TMPRSS4: variants seen among roughly 807,000 people sequenced by gnomAD.
TMPRSS4 encodes the protein transmembrane serine protease 4.
A neutral mutation model predicts 56.4 loss-of-function variants in TMPRSS4; 45 were observed. The ratio of observed to expected loss-of-function variants is 0.80; its 90% CI spans 0.63 to 1.02. The LOEUF is 1.02. TMPRSS4 is among the 50% of genes least tolerant of loss of function. The probability of loss-of-function intolerance (pLI) is 0.00; values close to 1 mark genes in which losing one functional copy is unlikely to be tolerated. For missense variants in TMPRSS4, 546 were observed against 556.7 expected (o/e 0.98, Z 0.19); for synonymous variants, 205 against 211.0 (o/e 0.97, Z 0.25).
At chr11:118,112,957 C>T (rs1190027294) in intron 8 of TMPRSS4, among the ~76,000 whole-genome samples, 1 of 151,442 alleles carries the variant, frequency 6.6e-6, no homozygotes, top group Non-Finnish European at 1.5e-5. Flanking sequence ...ATGAGTAACA[C>T]AGTGAGAAAG....
At chr11:118,091,232 A>C (rs1392400295) in intron 1 of TMPRSS4, among the ~76,000 whole-genome samples, 2 of 151,934 alleles carry the variant, frequency 1.3e-5, no homozygotes, top group African/African-American at 4.8e-5. Context: ...TTTTACCACC[A>C]ACCTCCTCTC....
intron 3 of TMPRSS4, among the ~76,000 whole-genome samples, chr11:118,102,374 A>C (rs2135401745): frequency 6.6e-6 from 1 of 152,352 alleles, no homozygotes; most frequent in African/African-American, 2.4e-5. Flanking sequence ...TGTACAGATG[A>C]GGAAACTGAG....
rs1170336226 is a variant in TMPRSS4 at position 118,096,967 on chromosome 11, GGAAAGAAAGAAAGAAAGAAAGAAA to G, written c.44-1973_44-1950del. ...GAAAGAAAGGAAGGAAAGAAAGAAA[GGAAAGAAAGAAAGAAAGAAAGAAA>G]GAAAGAAAGAAAGAAAGAAAGAAAG... On this transcript the variant is annotated intron_variant, in intron 2 of 12. Coordinates refer to ENST00000437212, the MANE Select transcript of TMPRSS4 (RefSeq NM_019894.4). Among the ~76,000 whole-genome samples, 27 of 9,520 alleles carry G rather than the reference GGAAAGAAAGAAAGAAAGAAAGAAA, an allele frequency of 2.8e-3. 2 individuals are homozygous for G. The highest frequency in any genetic ancestry group is 0.02 in the East Asian group (11 of 558). The allele number at this position is 9,520 out of a possible 152,430, so 6.2% of individuals were successfully genotyped here.
intron 3 of TMPRSS4, among the ~76,000 whole-genome samples, chr11:118,099,963 A>G (rs532362379): frequency 3.6e-4 from 55 of 152,218 alleles, no homozygotes; most frequent in Non-Finnish European, 6.9e-4. Context: ...CCCACATCCT[A>G]TGATGGAGTC....
intron 2 of TMPRSS4, among the ~76,000 whole-genome samples, chr11:118,095,688 C>T (rs541902246): frequency 8.5e-5 from 13 of 152,234 alleles, no homozygotes; most frequent in Admixed American, 2.6e-4. Flanking sequence ...AGGGAGTGAA[C>T]GTGACTATGC....
intron 1 of TMPRSS4, chr11:118,086,946 C>G (rs976576436): frequency 2.0e-5 from 3 of 152,488 alleles, no homozygotes; most frequent in Admixed American, 6.5e-5. Context: ...ACTCTGCAAG[C>G]TGACGGCAAG....
chr11:118,099,089 G>A lies in TMPRSS4; in HGVS notation c.148G>A (p.Val50Ile), dbSNP rs758846525. ...LLSLASIIIV[V>I]VLIKVILDKY... is the part of the protein sequence containing the mutation. ...GAGCCTGGCGAGTATCATCATTGTG[G>A]TTGTCCTCAGTAAGTGACAGCCCGT... Residue 50 changes from valine to isoleucine, a missense_variant, in exon 3 of 13, where the codon GTT becomes ATT. Val to Ile is a conservative substitution (Grantham distance 29). Transcript: ENST00000437212. 2 of 1,613,554 alleles carry A rather than the reference G, an allele frequency of 1.2e-6. No individual in the cohort carries two copies. Among genetic ancestry groups the A allele is most frequent in the African/African-American group, 2.7e-5 (2 of 74,806 alleles).
rs1290855988 is a variant in TMPRSS4 at position 118,077,134 on chromosome 11, C to T, written c.-169C>T. 1.8e-5 allele frequency: 12 copies of T among 654,628 alleles called. No individual in the cohort carries two copies. Among genetic ancestry groups the T allele is most frequent in the Admixed American group, 1.6e-4 (5 of 31,204 alleles). The allele number at this position is 654,628 out of a possible 1,614,324, so 40.6% of individuals were successfully genotyped here. ...TTGCTCAGCGGACAAGGATGCTGGGCGTGAGGGACCAAGGCCTGCCCTGCA... is the reference window on the plus strand; with the variant it reads ...TTGCTCAGCGGACAAGGATGCTGGGTGTGAGGGACCAAGGCCTGCCCTGCA... On this transcript the variant is annotated 5_prime_UTR_variant, in exon 1 of 13. Transcript: ENST00000437212.
At chr11:118,101,504 C>A (rs1946724943) in intron 3 of TMPRSS4, among the ~76,000 whole-genome samples, 1 of 152,032 alleles carries the variant, frequency 6.6e-6, no homozygotes, top group Admixed American at 6.6e-5. Flanking sequence ...GAGACAAGGT[C>A]TTGCTCTCTT....
At chr11:118,100,055 C>T (rs948724278) in intron 3 of TMPRSS4, among the ~76,000 whole-genome samples, 12 of 152,158 alleles carry the variant, frequency 7.9e-5, no homozygotes, top group East Asian at 1.9e-4. Flanking sequence ...GGGGACCAGA[C>T]TAGGAATCAG....
In TMPRSS4 at chr11:118,093,191, A is replaced by G. The variant is rs117358606; in HGVS notation, c.4-1625A>G. On this transcript the variant is annotated intron_variant, in intron 1 of 12. Transcript: ENST00000437212. ...GGAGGGAACGAAAGAGCTCCTTCCT[A>G]TTGCTGTGTCCACCGTGCTTAGCCG... 4.5e-4 allele frequency among the ~76,000 whole-genome samples: 68 copies of G among 152,238 alleles called. 1 individual carries two copies. The East Asian group carries it at 0.012, about 26-fold the overall frequency.
intron 1 of TMPRSS4, among the ~76,000 whole-genome samples, chr11:118,085,226 C>CTTCT (rs1555080970): frequency 1.4e-4 from 20 of 141,856 alleles, no homozygotes; most frequent in Non-Finnish European, 2.6e-4. Context: ...TCTTCTTCTT[C>CTTCT]TTTTTTTTTT....
intron 1 of TMPRSS4, among the ~76,000 whole-genome samples, chr11:118,083,137 GA>G (rs1363629918): frequency 6.6e-6 from 1 of 152,168 alleles, no homozygotes; most frequent in Admixed American, 6.5e-5. Context: ...GTCTGCCACA[GA>G]AACCTTCACA....
At position 118,081,686 on chromosome 11, in the gene TMPRSS4, G is replaced by A. The variant is rs1945152562; in HGVS notation, c.3+4381G>A. Among the ~76,000 whole-genome samples, 3 of 152,224 alleles carry A rather than the reference G, an allele frequency of 2.0e-5. No individual in the cohort carries two copies. The South Asian group carries it at 6.2e-4, about 32-fold the overall frequency. On this transcript the variant is annotated intron_variant, in intron 1 of 12. Transcript: ENST00000437212. ...GTCTGGCTGGGCGTCGCCCGCTGGT[G>A]CGGTTGAGCCAACCAATGCTTTCAG...
At chr11:118,125,405 C>T (rs1490610015), downstream of TMPRSS4, 5 of 455,040 alleles carry the variant, frequency 1.1e-5, no homozygotes, top group Admixed American at 1.2e-4. Flanking sequence ...ATCGCCTGAC[C>T]ACCTGTGTTT....
At chr11:118,125,179 C>T (rs1326199218), downstream of TMPRSS4, 7 of 434,916 alleles carry the variant, frequency 1.6e-5, no homozygotes, top group East Asian at 7.1e-5. Context: ...CCAGGGCTTC[C>T]GGGAAAGGCT....
intron 7 of TMPRSS4, among the ~76,000 whole-genome samples, chr11:118,109,208 A>T (rs574281391): frequency 2.6e-4 from 40 of 152,306 alleles, no homozygotes; most frequent in African/African-American, 9.6e-4. Context: ...ACTGCCTCCC[A>T]TCCCTGGTCC....
At chr11:118,117,584 C>G in intron 12 of TMPRSS4, 130 bp downstream of exon 12, 3 of 1,489,314 alleles carry the variant, frequency 2.0e-6, no homozygotes, top group Non-Finnish European at 2.7e-6. Flanking sequence ...TCCCTCCAAG[C>G]AAGGGACAGC....
intron 1 of TMPRSS4, among the ~76,000 whole-genome samples, chr11:118,081,954 C>T (rs1393103618): frequency 6.6e-6 from 1 of 152,184 alleles, no homozygotes; most frequent in Non-Finnish European, 1.5e-5. Flanking sequence ...CTGATGTCCA[C>T]AAGAAGGGGC....
Sources: gnomAD v4.1 joint callset for allele counts (sites outside exome capture counted in the v4.1 genomes callset) on GRCh38, gnomAD v4.1.1 for gene constraint, MANE v1.5 for transcripts, NCBI Gene and HGNC (gene_info 2026-07-23, HGNC 2026-07-21) for gene names.